The following ESPL1 variants were observed in gnomAD, a reference collection of about 807,000 sequenced individuals.
ESPL1 encodes the protein extra spindle pole bodies like 1, separase.
A neutral mutation model predicts 217.2 loss-of-function variants in ESPL1; 50 were observed. That is an observed-to-expected ratio of 0.23 (90% CI 0.18 to 0.29). The LOEUF (loss-of-function observed/expected upper bound fraction) is 0.29, where lower values mean the gene tolerates loss of function less well. ESPL1 is among the 10% of genes least tolerant of loss of function. The pLI is 1.00. For synonymous variants in ESPL1, 994 were observed against 1,081.3 expected (o/e 0.92, Z 1.58); for missense variants, 1,834 against 2,603.0 (o/e 0.70, Z 6.43).
chr12:53,277,104 G>A lies in ESPL1; in HGVS notation c.1962G>A (p.Arg654=). 1 of 1,613,980 alleles carries A rather than the reference G, an allele frequency of 6.2e-7. No individual in the cohort carries two copies. Among genetic ancestry groups the A allele is most frequent in the African/African-American group, 1.3e-5 (1 of 75,054 alleles). ...QTNCSALDAI[R]EALQLLDSVR... ...GCAGCTCTGCTCTGGATGCTATCCGGGAAGCCCTGCAGCTTCTGGACTCTG... is the reference window on the plus strand; with the variant it reads ...GCAGCTCTGCTCTGGATGCTATCCGAGAAGCCCTGCAGCTTCTGGACTCTG... The change falls in exon 9 of 31, where the codon CGG becomes CGA. Residue 654 remains arginine (R), a synonymous_variant. Coordinates refer to ENST00000257934, the MANE Select transcript of ESPL1 (RefSeq NM_012291.5).
In ESPL1 at chr12:53,286,589, AC is replaced by A; in HGVS notation, c.3856del (p.Gln1286AsnfsTer13). The A allele has an allele frequency of 6.2e-7, 1 of 1,614,032 alleles. No individual in the cohort carries two copies. ...ACTAGGTGGCCTCAGCTGCTGTACT[AC>A]CCAACTTTTTGCAAGCTCCTGGGGC... ...TKLGGLSCCTTQLFASSWGWQ... is the reference protein window; with the variant it reads ...TKLGGLSCCTXQLFASSWGWQ... On this transcript the variant is annotated frameshift_variant, in exon 18 of 31. Transcript: ENST00000257934. LOFTEE classifies it high-confidence loss of function. This position sits in a 1 kb window ranked among gnomAD's most constrained non-coding sequence, Gnocchi z 5.3.
chr12:53,287,770 C>T (rs1462024247), intron 18 of ESPL1: 1 of 518,876 alleles, frequency 1.9e-6, no homozygotes, highest in Non-Finnish European at 3.4e-6. Context: ...ACCTTCTGTT[C>T]CCTCATTTTC....
rs563970963 is a variant in ESPL1, at chr12:53,269,412, C to A, written c.470C>A (p.Ala157Asp). The change falls in exon 3 of 31, where the codon GCC becomes GAC. Residue 157 changes from alanine (A) to aspartate (D), a missense_variant. This residue lies in a region of ESPL1 where 746 missense variants were observed against 1,077.0 expected (regional missense o/e 0.69). Coordinates refer to ENST00000257934, the MANE Select transcript of ESPL1 (RefSeq NM_012291.5). This position sits in a 1 kb window ranked among gnomAD's most constrained non-coding sequence, Gnocchi z 6.7. ...SFSLLWKGAE[A>D]LLERRAAFAA... is the part of the protein sequence containing the mutation. Reference sequence around the variant, plus strand: ...TCTCTGCTTTGGAAGGGGGCAGAAGCCCTGTTGGAACGGCGAGCTGCATTT... The same window carrying A: ...TCTCTGCTTTGGAAGGGGGCAGAAGACCTGTTGGAACGGCGAGCTGCATTT... 6.2e-7 allele frequency: 1 copy of A among 1,613,934 alleles called. No individual in the cohort carries two copies. The highest frequency in any genetic ancestry group is 2.2e-5 in the East Asian group (1 of 44,872).
At position 53,280,098 on chromosome 12, in the gene ESPL1, A is replaced by C. The variant is rs576323761; in HGVS notation, c.2499+232A>C. Among the ~76,000 whole-genome samples, 3 of 152,256 alleles carry C rather than the reference A, an allele frequency of 2.0e-5. No homozygotes were observed. The East Asian group carries it at 5.8e-4, about 29-fold the overall frequency. Reference sequence around the variant, plus strand: ...AGTTTACAGACTGCTGCAGGAACCTACCGCCAGTCTTGTATTTCCTAACTG... The same window carrying C: ...AGTTTACAGACTGCTGCAGGAACCTCCCGCCAGTCTTGTATTTCCTAACTG... On this transcript the variant is annotated intron_variant, in intron 12 of 30. Coordinates refer to ENST00000257934, the MANE Select transcript of ESPL1 (RefSeq NM_012291.5).
intron 7 of ESPL1, among the ~76,000 whole-genome samples, chr12:53,276,321 G>C (rs1182717090): frequency 6.6e-6 from 1 of 152,218 alleles, no homozygotes; most frequent in Non-Finnish European, 1.5e-5. Flanking sequence ...CGGCATGCTG[G>C]GGGTAGTAGA....
Position 53,269,442 on chromosome 12 carries a change from C to T in ESPL1, c.500C>T (p.Ala167Val). 2 of 1,614,058 alleles carry T rather than the reference C, an allele frequency of 1.2e-6. No homozygotes were observed. The highest frequency in any genetic ancestry group is 1.1e-5 in the South Asian group (1 of 91,082). Residue 167 changes from alanine to valine, a missense_variant, in exon 3 of 31, where the codon GCT (alanine) becomes GTT (valine). This residue lies in a region of ESPL1 where 746 missense variants were observed against 1,077.0 expected (regional missense o/e 0.69). Transcript: ENST00000257934. The surrounding 1 kb of genome is among the most constrained non-coding windows in gnomAD (Gnocchi z 6.7). Reference protein sequence around the residue: ...ALLERRAAFAARLKALSFLVL... With the variant: ...ALLERRAAFAVRLKALSFLVL... Reference sequence around the variant, plus strand: ...TTGGAACGGCGAGCTGCATTTGCAGCTCGGCTGAAGGCCTTGAGCTTCCTA... The same window carrying T: ...TTGGAACGGCGAGCTGCATTTGCAGTTCGGCTGAAGGCCTTGAGCTTCCTA...
Position 53,272,968 on chromosome 12 carries a change from T to C in ESPL1, c.1506+111T>C, listed in dbSNP as rs1592478583. ...TTGGAGTGGGAGGTTAATAGCAGCA[T>C]GTTGACACCAGTATCTGGAGCAGTG... On this transcript the variant is annotated intron_variant, in intron 6 of 30. Transcript: ENST00000257934. The C allele has an allele frequency of 1.3e-5, 13 of 1,032,262 alleles. No homozygotes were observed. The East Asian group carries it at 2.0e-4, about 16-fold the overall frequency. The allele number at this position is 1,032,262 out of a possible 1,614,324, so 63.9% of individuals were successfully genotyped here.
chr12:53,276,728 C>T lies in ESPL1; in HGVS notation c.1809C>T (p.Arg603=). Residue 603 remains arginine, a synonymous_variant, in exon 8 of 31, where the codon CGC becomes CGT. Transcript: ENST00000257934. ...TGCGGGCCGACACTGGACAGGAACG[C>T]TTCAACATCATCTGTGACCTCCTGG... is the stretch of plus-strand genomic sequence containing the variant. ...KAVRADTGQE[R]FNIICDLLEL... is the part of the protein sequence containing the mutation. 3 of 1,613,568 alleles carry T rather than the reference C, an allele frequency of 1.9e-6. No individual in the cohort carries two copies. The highest frequency in any genetic ancestry group is 2.5e-6 in the Non-Finnish European group (3 of 1,180,024).
At chr12:53,291,541 A>T in intron 25 of ESPL1, 149 bp from the exon 26 acceptor site, 1 of 789,394 alleles carries the variant, frequency 1.3e-6, no homozygotes, top group Non-Finnish European at 2.0e-6. Flanking sequence ...CAGTGAGCTG[A>T]GATTGCGCCA....
chr12:53,288,408 A>T (rs532248553), intron 19 of ESPL1, 67 bp downstream of exon 19: 3 of 1,534,728 alleles, frequency 2.0e-6, no homozygotes, highest in East Asian at 4.6e-5. Context: ...AAGCACAAGC[A>T]GTAAGTGCTG....
At position 53,274,982 on chromosome 12, in the gene ESPL1, A is replaced by G; in HGVS notation, c.1672A>G (p.Arg558Gly). The G allele has an allele frequency of 6.4e-7, 1 of 1,557,590 alleles. No individual in the cohort carries two copies. The highest frequency in any genetic ancestry group is 1.2e-5 in the South Asian group (1 of 82,394). Residue 558 changes from arginine (R) to glycine (G), a missense_variant, in exon 7 of 31, where the codon AGG (arginine) becomes GGG (glycine). Physicochemically the swap from Arg to Gly is moderately radical, Grantham distance 125. Coordinates refer to ENST00000257934, the MANE Select transcript of ESPL1 (RefSeq NM_012291.5). ...FWVRVKMDAA[R>G]AGDKELQLKT... is the part of the protein sequence containing the mutation. ...GGTTCGGGTCAAGATGGATGCGGCC[A>G]GGGCTGGAGACAAGGAGCTACAGCT...
rs541004581 is a variant in ESPL1 at position 53,289,080 on chromosome 12, G to A, written c.4709-10G>A. 9.3e-6 allele frequency: 15 copies of A among 1,605,318 alleles called. No individual in the cohort carries two copies. Among genetic ancestry groups the A allele is most frequent in the Admixed American group, 6.7e-5 (4 of 60,008 alleles). On this transcript the variant is annotated splice_polypyrimidine_tract_variant and intron_variant, in intron 20 of 30. Coordinates refer to ENST00000257934, the MANE Select transcript of ESPL1 (RefSeq NM_012291.5). ...ATTCAGCTGTACCAAGTGTCCTGAC[G>A]TTCTTCTAGGTCTTTCTACCCTGGA...
Position 53,292,421 on chromosome 12 carries a change from G to A in ESPL1, c.5912+28G>A, listed in dbSNP as rs1160293731. 7.2e-6 allele frequency: 11 copies of A among 1,531,494 alleles called. No homozygotes were observed. In the East Asian group the frequency reaches 2.5e-4, roughly 34 times the overall value. The allele number at this position is 1,531,494 out of a possible 1,614,324, so 94.9% of individuals were successfully genotyped here. ...CAGGGGCGCGAAGACAAGAAGACGT[G>A]TGGGGAAGGGTAGACAACATACAGG... On this transcript the variant is annotated intron_variant, in intron 28 of 30. Transcript: ENST00000257934. The surrounding 1 kb of genome is among the most constrained non-coding windows in gnomAD (Gnocchi z 4.5).
At chr12:53,285,789 C>T (rs1001884322) in intron 17 of ESPL1, 135 bp from the exon 18 acceptor site, 1 of 578,036 alleles carries the variant, frequency 1.7e-6, no homozygotes, top group African/African-American at 1.9e-5. Context: ...TACAGTAATA[C>T]ATATATATAC....
At chr12:53,272,581 C>T in intron 5 of ESPL1, 140 bp from the exon 6 acceptor site, 1 of 938,518 alleles carries the variant, frequency 1.1e-6, no homozygotes, top group East Asian at 2.5e-5. Context: ...GCCCCTTCCC[C>T]ATTCCTAGCA....
chr12:53,279,979 A>C (rs2120930345), intron 12 of ESPL1, 113 bp downstream of exon 12: 2 of 1,223,508 alleles, frequency 1.6e-6, no homozygotes, highest in East Asian at 2.6e-5. Flanking sequence ...TTACCACCAC[A>C]ACTGGCTGGA....
intron 16 of ESPL1, 50 bp from the exon 17 acceptor site, chr12:53,284,008 A>G (rs1381918213): frequency 7.4e-7 from 1 of 1,354,132 alleles, no homozygotes; most frequent in East Asian, 2.3e-5. Context: ...AAGACTCTCC[A>G]GGAAAACAAA....
intron 11 of ESPL1, 27 bp downstream of exon 11, chr12:53,277,987 C>T: frequency 6.2e-7 from 1 of 1,607,776 alleles, no homozygotes; most frequent in Non-Finnish European, 8.5e-7. Flanking sequence ...TTGAGGGGGA[C>T]CCATATAAAC....
Position 53,290,412 on chromosome 12 carries a change from C to A in ESPL1, c.5307C>A (p.Ser1769Arg). 6.2e-7 allele frequency: 1 copy of A among 1,613,442 alleles called. No individual in the cohort carries two copies. The highest frequency in any genetic ancestry group is 1.1e-5 in the South Asian group (1 of 90,916). ...AIQKAQKENSSCTDKREWWTG... is the reference protein window; with the variant it reads ...AIQKAQKENSRCTDKREWWTG... ...AGAAGGCACAGAAAGAGAACAGCAG[C>A]TGTACTGACAAGCGAGAATGGTGGA... Residue 1769 changes from serine to arginine, a missense_variant, in exon 24 of 31, where the codon AGC (serine) becomes AGA (arginine). By Grantham distance (110) the Ser-to-Arg change is moderately radical. Around this residue, in one of 5 missense-constraint regions of ESPL1, gnomAD observed 295 missense variants for 519.8 expected, o/e 0.57. Transcript: ENST00000257934.
Sources: allele counts gnomAD v4.1 joint callset (sites outside exome capture counted in the v4.1 genomes callset), GRCh38; gene constraint gnomAD v4.1.1; regional missense constraint gnomAD v4.1.1; non-coding constraint Gnocchi (gnomAD v3.1); transcripts MANE v1.5; gene names NCBI Gene and HGNC (gene_info 2026-07-23, HGNC 2026-07-21).